The following ATRX variants were observed in gnomAD, a reference collection of about 807,000 sequenced individuals.
The protein encoded by ATRX is chromatin remodeler ATRX.
In ATRX, 12 loss-of-function variants were observed where a neutral mutation model predicts 172.6. The ratio of observed to expected loss-of-function variants is 0.07; its 90% CI spans 0.04 to 0.11. The LOEUF is 0.11. Among genes scored for constraint, ATRX ranks in the 10% least tolerant of loss-of-function variants. The probability of loss-of-function intolerance (pLI) is 1.00; values close to 1 mark genes in which losing one functional copy is unlikely to be tolerated. For missense variants in ATRX, 1,368 were observed against 1,767.4 expected (o/e 0.77, Z 4.05); for synonymous variants, 674 against 594.7 (o/e 1.13, Z -1.94).
At chrX:77,780,920 G>A (rs782677706) in intron 1 of ATRX, among the ~76,000 whole-genome samples, 12 of 110,563 alleles carry the variant, frequency 1.1e-4, no homozygotes, top group African/African-American at 3.9e-4. Context: ...CAGCTTGGGT[G>A]ACAGTGAGAC....
At chrX:77,654,765 A>G (rs1233995711) in intron 13 of ATRX, among the ~76,000 whole-genome samples, 1 of 111,920 alleles carries the variant, frequency 8.9e-6, no homozygotes, top group East Asian at 2.8e-4. Context: ...CAAAAAATTA[A>G]AAATAGAATT....
At chrX:77,664,379 C>A (rs1557124867) in intron 11 of ATRX, among the ~76,000 whole-genome samples, 1 of 109,743 alleles carries the variant, frequency 9.1e-6, no homozygotes, top group African/African-American at 3.3e-5. Flanking sequence ...CCTGCCTCAG[C>A]CTCCTGAGTA....
At chrX:77,677,820 G>A (rs1321327206) in intron 9 of ATRX, among the ~76,000 whole-genome samples, 9 of 111,187 alleles carry the variant, frequency 8.1e-5, no homozygotes, top group African/African-American at 2.6e-4. Context: ...ATGCTTTGGT[G>A]TATACTTAAA....
At chrX:77,746,311 GATC>G (rs1352281626) in intron 1 of ATRX, among the ~76,000 whole-genome samples, 1 of 110,327 alleles carries the variant, frequency 9.1e-6, no homozygotes, top group African/African-American at 3.3e-5. Flanking sequence ...AATAAAAAAA[GATC>G]ATCAACAAAA....
At chrX:77,523,218 T>TAACAAA (rs2063287378) in intron 31 of ATRX, 34 bp downstream of exon 31, 4 of 1,206,542 alleles carry the variant, frequency 3.3e-6, no homozygotes, top group Non-Finnish European at 4.5e-6. Context: ...ATCACTAACA[T>TAACAAA]AACAAAAACA....
chrX:77,774,882 T>G (rs2076293905), intron 1 of ATRX, among the ~76,000 whole-genome samples: 1 of 108,642 alleles, frequency 9.2e-6, no homozygotes, highest in African/African-American at 3.4e-5. Flanking sequence ...AATTTAGTAC[T>G]TTTGTTTGTT....
intron 12 of ATRX, 30 bp downstream of exon 12, chrX:77,663,352 T>A (rs2070032364): frequency 1.7e-6 from 2 of 1,203,313 alleles, no homozygotes; most frequent in Non-Finnish European, 1.1e-6. Context: ...GTCCAATATG[T>A]TCTTTACATT....
intron 28 of ATRX, among the ~76,000 whole-genome samples, chrX:77,570,917 C>T (rs1457800886): frequency 1.8e-5 from 2 of 111,684 alleles, no homozygotes; most frequent in African/African-American, 6.5e-5. Flanking sequence ...AGATTTTCAC[C>T]CAAGAGGATA....
intron 34 of ATRX, among the ~76,000 whole-genome samples, chrX:77,509,659 G>A (rs1273454413): frequency 1.8e-5 from 2 of 110,895 alleles, no homozygotes; most frequent in Non-Finnish European, 3.8e-5. Context: ...CTCTGCATTG[G>A]AACTCAGGGC....
At chrX:77,769,414 G>A (rs1348164502) in intron 1 of ATRX, among the ~76,000 whole-genome samples, 8 of 108,978 alleles carry the variant, frequency 7.3e-5, no homozygotes, top group African/African-American at 1.7e-4. Context: ...TCAGCCTCCC[G>A]AGTACCTGGG....
At chrX:77,761,552 A>C (rs782668943) in intron 1 of ATRX, among the ~76,000 whole-genome samples, 1 of 111,156 alleles carries the variant, frequency 9.0e-6, no homozygotes, top group African/African-American at 3.3e-5. Context: ...ATCAATCAAT[A>C]AAGTGTACAA....
At chrX:77,551,920 A>G (rs2064544950) in intron 30 of ATRX, among the ~76,000 whole-genome samples, 1 of 112,016 alleles carries the variant, frequency 8.9e-6, no homozygotes, top group Admixed American at 9.4e-5. Flanking sequence ...CCACAATGAG[A>G]TACCATCTCA....
At chrX:77,687,152 CAAAAAAAAAA>C (rs146268162) in intron 7 of ATRX, among the ~76,000 whole-genome samples, 10 of 39,372 alleles carry the variant, frequency 2.5e-4, no homozygotes, top group African/African-American at 7.5e-4. Flanking sequence ...GACTCCGTCT[CAAAAAAAAAA>C]AAAAAAAAAA....
At chrX:77,727,612 A>G (rs1440058298) in intron 1 of ATRX, among the ~76,000 whole-genome samples, 2 of 108,085 alleles carry the variant, frequency 1.9e-5, no homozygotes, top group Non-Finnish European at 3.8e-5. Context: ...GTTCTCACTC[A>G]TAAGTGGGAG....
At position 77,675,503 on chromosome X, in the gene ATRX, G is replaced by A. The variant is rs1297411998; in HGVS notation, c.3809+723C>T. 3.6e-5 allele frequency: 4 copies of A among 111,334 alleles called. No homozygotes were observed. In the Admixed American group the frequency reaches 3.8e-4, roughly 11 times the overall value. The allele number at this position is 111,334 out of a possible 1,213,427, so 9.2% of individuals were successfully genotyped here. A position where few individuals can be genotyped will look rare whatever the true frequency, so the allele number is the denominator to read the frequency against. On this transcript the variant is annotated intron_variant, in intron 10 of 34. Coordinates refer to ENST00000373344, the MANE Select transcript of ATRX (RefSeq NM_000489.6). ...TGTCCAGGAAGTGTTTAAAAGTTATGTTGAAACATTATAGCTATAGTCTTT... is the reference window on the plus strand; with the variant it reads ...TGTCCAGGAAGTGTTTAAAAGTTATATTGAAACATTATAGCTATAGTCTTT...
intron 28 of ATRX, among the ~76,000 whole-genome samples, chrX:77,571,401 A>G (rs1299258177): frequency 8.9e-6 from 1 of 112,190 alleles, no homozygotes; most frequent in Non-Finnish European, 1.9e-5. Context: ...GATACATGTG[A>G]CAACTTGGAT....
chrX:77,683,477 A>C lies in ATRX; in HGVS notation c.1779T>G (p.Val593=). The change falls in exon 9 of 35, where the codon GTT becomes GTG. Residue 593 remains valine, a synonymous_variant. Transcript: ENST00000373344. ...CTTTAATTGGGGAATTAGAAAGGGAAACAGGAGTGAGTTTAACATATAATT... is the reference window on the plus strand; with the variant it reads ...CTTTAATTGGGGAATTAGAAAGGGACACAGGAGTGAGTTTAACATATAATT... ...TKELYVKLTP[V]SLSNSPIKGA... The C allele has an allele frequency of 1.7e-6, 2 of 1,210,128 alleles. No homozygotes were observed. Among genetic ancestry groups the C allele is most frequent in the Non-Finnish European group, 2.2e-6 (2 of 893,983 alleles).
intron 1 of ATRX, among the ~76,000 whole-genome samples, chrX:77,780,003 G>C (rs782186440): frequency 1.7e-4 from 19 of 111,909 alleles, no homozygotes; most frequent in African/African-American, 6.2e-4. Context: ...ATTTTCAGAC[G>C]TACATCTTCA....
intron 15 of ATRX, among the ~76,000 whole-genome samples, chrX:77,639,603 C>T (rs781983630): frequency 1.8e-5 from 2 of 111,644 alleles, no homozygotes; most frequent in Non-Finnish European, 3.8e-5. Context: ...ATAAAAAAAA[C>T]TAATATACAA....
Sources: allele counts gnomAD v4.1 joint callset (sites outside exome capture counted in the v4.1 genomes callset), GRCh38; gene constraint gnomAD v4.1.1; transcripts MANE v1.5; gene names NCBI Gene and HGNC (gene_info 2026-07-23, HGNC 2026-07-21).